Variants in KCNIP4 observed in about 807,000 individuals in gnomAD.
KCNIP4 encodes potassium voltage-gated channel interacting protein 4.
KCNIP4 carries 12 observed loss-of-function variants against 34.0 expected under a neutral mutation model. The ratio of observed to expected loss-of-function variants is 0.35; its 90% CI spans 0.23 to 0.57. The LOEUF is 0.57. Among genes scored for constraint, KCNIP4 ranks in the 20% least tolerant of loss-of-function variants. The pLI is 0.83. For synonymous variants in KCNIP4, 124 were observed against 102.2 expected, an observed-to-expected ratio of 1.21 and a Z score of -1.29; for missense variants, 238 against 311.7, an observed-to-expected ratio of 0.76 and a Z score of 1.78.
chr4:21,499,061 A>G (rs1903320), intron 1 of KCNIP4, among the ~76,000 whole-genome samples: 50,871 of 151,892 alleles, frequency 0.33, 8,699 homozygotes, highest in African/African-American at 0.38. Flanking sequence ...GGCTGGGTGC[A>G]GTGGCTTATG....
chr4:21,586,445 C>T (rs1213339235), intron 1 of KCNIP4, among the ~76,000 whole-genome samples: 2 of 151,948 alleles, frequency 1.3e-5, no homozygotes, highest in Non-Finnish European at 2.9e-5. Context: ...CAGTGTCTCC[C>T]TTTGGGTGAA....
At chr4:21,390,274 T>G (rs1268876344) in intron 1 of KCNIP4, among the ~76,000 whole-genome samples, 1 of 152,180 alleles carries the variant, frequency 6.6e-6, no homozygotes, top group Non-Finnish European at 1.5e-5. Flanking sequence ...CTGACGGTGG[T>G]TTCTTTTGCT....
At chr4:21,089,228 T>TCGAA (rs1396013446) in intron 1 of KCNIP4, among the ~76,000 whole-genome samples, 1 of 152,122 alleles carries the variant, frequency 6.6e-6, no homozygotes, top group Non-Finnish European at 1.5e-5. Context: ...CCCTTGCTGT[T>TCGAA]CTCATGATAG....
chr4:20,944,287 G>A (rs1353619469), intron 1 of KCNIP4, among the ~76,000 whole-genome samples: 1 of 152,106 alleles, frequency 6.6e-6, no homozygotes, highest in Non-Finnish European at 1.5e-5. Flanking sequence ...TGCTGAGGGT[G>A]ATTTCCATCC....
intron 1 of KCNIP4, among the ~76,000 whole-genome samples, chr4:21,584,055 A>G (rs1370727632): frequency 3.3e-5 from 5 of 152,026 alleles, no homozygotes; most frequent in Non-Finnish European, 7.4e-5. Context: ...TTACAAGTAA[A>G]CAAGGATTTA....
intron 3 of KCNIP4, among the ~76,000 whole-genome samples, chr4:20,838,572 G>A (rs1719343438): frequency 6.6e-6 from 1 of 152,170 alleles, no homozygotes; most frequent in Non-Finnish European, 1.5e-5. Flanking sequence ...GTGATGTAGA[G>A]ACTCTTCATG....
chr4:21,659,771 T>A (rs985023021), intron 1 of KCNIP4, among the ~76,000 whole-genome samples: 6 of 152,202 alleles, frequency 3.9e-5, no homozygotes, highest in Non-Finnish European at 7.4e-5. Context: ...GTCCTATACC[T>A]TACTTGTTAT....
At chr4:21,043,430 A>G (rs551218663) in intron 1 of KCNIP4, among the ~76,000 whole-genome samples, 1 of 152,026 alleles carries the variant, frequency 6.6e-6, no homozygotes, top group Non-Finnish European at 1.5e-5. Context: ...CCCGGGTTCA[A>G]GCAATTCTCC....
Position 21,087,358 on chromosome 4 carries a change from AG to A in KCNIP4, c.62-204650del, listed in dbSNP as rs1347068738. On this transcript the variant is annotated intron_variant, in intron 1 of 8. Coordinates refer to ENST00000382152, the MANE Select transcript of KCNIP4 (RefSeq NM_025221.6). Reference sequence around the variant, plus strand: ...CACCTGGCTAATTTTTTGCATTTTTAGTACAGATGGGGTTTCACCGTGTTAG... The same window carrying A: ...CACCTGGCTAATTTTTTGCATTTTTATACAGATGGGGTTTCACCGTGTTAG... Among the ~76,000 whole-genome samples the A allele has an allele frequency of 2.0e-5, 3 of 152,114 alleles. No individual in the cohort carries two copies. The East Asian group carries it at 5.8e-4, about 29-fold the overall frequency.
At chr4:21,391,108 CT>C (rs1722518811) in intron 1 of KCNIP4, among the ~76,000 whole-genome samples, 1 of 151,990 alleles carries the variant, frequency 6.6e-6, no homozygotes, top group African/African-American at 2.4e-5. Flanking sequence ...ATTTTTATAT[CT>C]TCCTTGGATA....
chr4:21,569,166 A>T (rs976882457), intron 1 of KCNIP4, among the ~76,000 whole-genome samples: 1 of 145,842 alleles, frequency 6.9e-6, no homozygotes, highest in Non-Finnish European at 1.5e-5. Flanking sequence ...AAACTAAGAC[A>T]AGCTTTAATG....
chr4:20,930,368 A>T (rs949648675), intron 1 of KCNIP4, among the ~76,000 whole-genome samples: 3 of 152,076 alleles, frequency 2.0e-5, no homozygotes, highest in Admixed American at 6.6e-5. Context: ...CTCAAAATAG[A>T]TAGGAGACCT....
intron 1 of KCNIP4, among the ~76,000 whole-genome samples, chr4:20,925,708 C>T (rs1245782818): frequency 6.6e-6 from 1 of 151,968 alleles, no homozygotes; most frequent in African/African-American, 2.4e-5. Context: ...GGATTGGGAC[C>T]CCTTTCCCGT....
chr4:21,390,931 C>A (rs970794832), intron 1 of KCNIP4, among the ~76,000 whole-genome samples: 2 of 152,178 alleles, frequency 1.3e-5, no homozygotes, highest in Non-Finnish European at 2.9e-5. Flanking sequence ...TTCCTGCCAA[C>A]AGTGCATGAA....
chr4:21,896,913 C>CA (rs561412796), intron 1 of KCNIP4, among the ~76,000 whole-genome samples: 110 of 146,204 alleles, frequency 7.5e-4, no homozygotes, highest in Non-Finnish European at 1.2e-3. Flanking sequence ...AGTAAACTCT[C>CA]AAAAAAATAC....
In KCNIP4 at chr4:21,250,217, T is replaced by TA. The variant is rs34472391; in HGVS notation, c.62-367509dup. 2.7e-3 allele frequency among the ~76,000 whole-genome samples: 379 copies of TA among 140,536 alleles called. 2 individuals carry two copies. The East Asian group carries it at 0.03, about 11-fold the overall frequency. The allele number at this position is 140,536 out of a possible 152,430, so 92.2% of individuals were successfully genotyped here. On this transcript the variant is annotated intron_variant, in intron 1 of 8. Transcript: ENST00000382152. Reference sequence around the variant, plus strand: ...ACTCTCGCAGAGATCTTAGGACTGTTAAAAAAAAAAAAAAGGAAATATACA... The same window carrying TA: ...ACTCTCGCAGAGATCTTAGGACTGTTAAAAAAAAAAAAAAAGGAAATATACA...
rs1748394187 is a variant in KCNIP4, at chr4:20,732,015, G to A, written c.696C>T (p.Ser232=). 1 of 1,613,290 alleles carries A rather than the reference G, an allele frequency of 6.2e-7. No homozygotes were observed. The highest frequency in any genetic ancestry group is 8.5e-7 in the Non-Finnish European group (1 of 1,179,636). ...GVVTIDEFIE[S]CQKDENIMRS... ...CACTTTCATTACTTACTTTTTGGCA[G>A]CTTTCAATGAACTCATCTATGGTAA... Residue 232 remains serine, a synonymous_variant, in exon 8 of 9, where the codon AGC becomes AGT. Transcript: ENST00000382152.
At chr4:20,967,346 C>T (rs918885220) in intron 1 of KCNIP4, among the ~76,000 whole-genome samples, 2 of 152,054 alleles carry the variant, frequency 1.3e-5, no homozygotes, top group African/African-American at 4.8e-5. Context: ...TGAAAATGGC[C>T]ATACTGCCCA....
intron 1 of KCNIP4, among the ~76,000 whole-genome samples, chr4:21,324,000 T>G (rs1338946916): frequency 6.6e-6 from 1 of 152,106 alleles, no homozygotes; most frequent in South Asian, 2.1e-4. Context: ...TAATGACCAG[T>G]GATGTTGAGC....
Sources: gnomAD v4.1 joint callset for allele counts (sites outside exome capture counted in the v4.1 genomes callset) on GRCh38, gnomAD v4.1.1 for gene constraint, MANE v1.5 for transcripts, NCBI Gene and HGNC (gene_info 2026-07-23, HGNC 2026-07-21) for gene names.